SLC2A9: variants seen among roughly 807,000 people sequenced by gnomAD.
SLC2A9 encodes solute carrier family 2 member 9.
A neutral mutation model predicts 50.6 loss-of-function variants in SLC2A9; 39 were observed. The observed-to-expected ratio is 0.77, with a 90% confidence interval of 0.60 to 1.01. The LOEUF is 1.01. Among genes scored for constraint, SLC2A9 ranks in the 50% least tolerant of loss-of-function variants. SLC2A9 has a pLI of 0.00. For missense variants in SLC2A9, 686 were observed against 677.6 expected, an observed-to-expected ratio of 1.01 and a Z score of -0.14; for synonymous variants, 324 against 276.9, an observed-to-expected ratio of 1.17 and a Z score of -1.69.
chr4:9,848,518 T>A (rs1729349331), intron 10 of SLC2A9, among the ~76,000 whole-genome samples: 1 of 152,130 alleles, frequency 6.6e-6, no homozygotes, highest in South Asian at 2.1e-4. Flanking sequence ...CATCTTTGCA[T>A]TTATCTTTTG....
At chr4:9,918,219 A>G (rs905375207) in intron 7 of SLC2A9, among the ~76,000 whole-genome samples, 2 of 152,194 alleles carry the variant, frequency 1.3e-5, no homozygotes, top group East Asian at 1.9e-4. Context: ...GAAGAAGACA[A>G]AGCAAGTCTT....
intron 10 of SLC2A9, among the ~76,000 whole-genome samples, chr4:9,886,028 G>T (rs1351410101): frequency 6.6e-6 from 1 of 152,186 alleles, no homozygotes; most frequent in East Asian, 1.9e-4. Context: ...TGAGATAGAG[G>T]GTAGGTGTGC....
chr4:9,929,421 G>T (rs902977612), intron 6 of SLC2A9, among the ~76,000 whole-genome samples: 6 of 152,216 alleles, frequency 3.9e-5, no homozygotes, highest in African/African-American at 1.4e-4. Context: ...TGTCCCACAG[G>T]GGAAGATGGG....
intron 1 of SLC2A9, among the ~76,000 whole-genome samples, chr4:9,772,692 G>A (rs146309561): frequency 6.6e-6 from 1 of 152,118 alleles, no homozygotes; most frequent in African/African-American, 2.4e-5. Context: ...CCCTGGGGCT[G>A]TGTGTTATGT....
chr4:9,945,692 G>A (rs1389583908), intron 5 of SLC2A9, among the ~76,000 whole-genome samples: 1 of 152,088 alleles, frequency 6.6e-6, no homozygotes, highest in Non-Finnish European at 1.5e-5. Flanking sequence ...AGGAGAGCTT[G>A]GTCTGAACTT....
chr4:9,794,113 C>A (rs1243032097), downstream of SLC2A9, among the ~76,000 whole-genome samples: 2 of 151,888 alleles, frequency 1.3e-5, no homozygotes, highest in African/African-American at 2.4e-5. Flanking sequence ...TATCATATGC[C>A]ACATTAGGAT....
At chr4:10,017,448 T>C (rs1255572343) in intron 2 of SLC2A9, among the ~76,000 whole-genome samples, 1 of 152,256 alleles carries the variant, frequency 6.6e-6, no homozygotes, top group Non-Finnish European at 1.5e-5. Flanking sequence ...CACTGACTGT[T>C]GGCAGTGCTT....
At chr4:9,856,810 G>C (rs1423911324) in intron 10 of SLC2A9, among the ~76,000 whole-genome samples, 3 of 152,184 alleles carry the variant, frequency 2.0e-5, no homozygotes, top group Non-Finnish European at 4.4e-5. Context: ...CACGTCTTTT[G>C]CAGCAACATG....
chr4:9,826,041 G>C (rs1725077132), downstream of SLC2A9, among the ~76,000 whole-genome samples: 1 of 152,064 alleles, frequency 6.6e-6, no homozygotes, highest in Non-Finnish European at 1.5e-5. Context: ...ATTTTTCTTT[G>C]ATAAAGCATT....
At position 9,978,035 on chromosome 4, in the gene SLC2A9, A is replaced by G. The variant is rs181884284; in HGVS notation, c.681+2557T>C. ...ACGGAAATCAGTGTGGGAGAGGCAC[A>G]GGTGCACGGTGTCCTAGGATATGCT... On this transcript the variant is annotated intron_variant, in intron 5 of 11. Coordinates refer to ENST00000264784, the MANE Select transcript of SLC2A9 (RefSeq NM_020041.3). Among the ~76,000 whole-genome samples, 365 of 152,356 alleles carry G rather than the reference A, an allele frequency of 2.4e-3. 4 individuals are homozygous for G. The highest frequency in any genetic ancestry group is 8.4e-3 in the African/African-American group (350 of 41,586).
intron 3 of SLC2A9, among the ~76,000 whole-genome samples, chr4:9,987,974 A>G (rs1757024874): frequency 6.6e-6 from 1 of 152,256 alleles, no homozygotes; most frequent in Admixed American, 6.5e-5. Context: ...CCACCATAAG[A>G]ACTAGCGTTT....
downstream of SLC2A9, among the ~76,000 whole-genome samples, chr4:9,797,126 A>G (rs140023275): frequency 0.012 from 1,823 of 152,268 alleles, 23 homozygotes; most frequent in South Asian, 0.022. Flanking sequence ...GATTCTAGAG[A>G]TGAATCACAT....
At chr4:9,909,326 A>C (rs1280907222) in intron 7 of SLC2A9, among the ~76,000 whole-genome samples, 1 of 152,164 alleles carries the variant, frequency 6.6e-6, no homozygotes, top group Non-Finnish European at 1.5e-5. Context: ...ACTTACATTG[A>C]GTGTGTCCTG....
intron 3 of SLC2A9, among the ~76,000 whole-genome samples, chr4:9,781,123 A>G (rs777384700): frequency 6.6e-6 from 1 of 152,154 alleles, no homozygotes; most frequent in Non-Finnish European, 1.5e-5. Flanking sequence ...GACACTGTCT[A>G]CTGGACACCT....
chr4:10,013,150 C>A (rs1405623418), intron 2 of SLC2A9, among the ~76,000 whole-genome samples: 1 of 152,164 alleles, frequency 6.6e-6, no homozygotes, highest in Non-Finnish European at 1.5e-5. Context: ...GAACCTCTTG[C>A]CAGTTCATGC....
intron 3 of SLC2A9, among the ~76,000 whole-genome samples, chr4:9,808,961 T>A (rs1722492951): frequency 6.6e-6 from 1 of 152,174 alleles, no homozygotes. Context: ...ACATCAGGAT[T>A]TTCGCTGCAG....
intron 7 of SLC2A9, 56 bp downstream of exon 7, chr4:9,920,329 C>T (rs1380431694): frequency 1.9e-6 from 3 of 1,599,720 alleles, no homozygotes; most frequent in Non-Finnish European, 2.6e-6. Flanking sequence ...CCTGAACCTC[C>T]CCACCCTCTG....
At chr4:9,813,879 T>A (rs1197655513) in intron 3 of SLC2A9, among the ~76,000 whole-genome samples, 5 of 152,162 alleles carry the variant, frequency 3.3e-5, no homozygotes, top group African/African-American at 7.2e-5. Flanking sequence ...GTGGATCACT[T>A]GAAGCCAGGA....
intron 5 of SLC2A9, among the ~76,000 whole-genome samples, chr4:9,976,344 C>T (rs1286325010): frequency 2.1e-5 from 3 of 145,392 alleles, no homozygotes; most frequent in African/African-American, 7.7e-5. Flanking sequence ...CATTGAAGCC[C>T]AGTTTTTCTC....
Sources: gnomAD v4.1 joint callset for allele counts (sites outside exome capture counted in the v4.1 genomes callset) on GRCh38, gnomAD v4.1.1 for gene constraint, MANE v1.5 for transcripts, NCBI Gene and HGNC (gene_info 2026-07-23, HGNC 2026-07-21) for gene names.